Variants in ELAPOR1 observed in about 807,000 individuals in gnomAD.
The protein encoded by ELAPOR1 is endosome/lysosome-associated apoptosis and autophagy regulator 1.
Under a neutral mutation model 119.7 loss-of-function variants are expected in ELAPOR1, and 77 were observed. The observed-to-expected ratio is 0.64, with a 90% CI of 0.54 to 0.78. The LOEUF (loss-of-function observed/expected upper bound fraction) is 0.78, where lower values mean the gene tolerates loss of function less well. ELAPOR1 is among the 30% of genes least tolerant of loss of function. The probability of loss-of-function intolerance (pLI) is 0.00; values close to 1 mark genes in which losing one functional copy is unlikely to be tolerated. For synonymous variants in ELAPOR1, 481 were observed against 487.2 expected (o/e 0.99, Z 0.17); for missense variants, 1,115 against 1,270.4 (o/e 0.88, Z 1.86).
chr1:109,186,403 G>A (rs147669568), intron 8 of ELAPOR1: 1 of 687,738 alleles, frequency 1.5e-6, no homozygotes, highest in East Asian at 1.3e-4. Context: ...TAAGCATGAT[G>A]CTTGGCTCTT....
At chr1:109,121,057 C>T (rs7527850) in intron 1 of ELAPOR1, among the ~76,000 whole-genome samples, 11,432 of 152,260 alleles carry the variant, frequency 0.075, 486 homozygotes, top group Non-Finnish European at 0.085. Flanking sequence ...GCAAAAATAA[C>T]GCTTCGTATC....
intron 1 of ELAPOR1, among the ~76,000 whole-genome samples, chr1:109,155,238 G>A (rs182622377): frequency 7.9e-5 from 12 of 152,220 alleles, no homozygotes; most frequent in Non-Finnish European, 1.6e-4. Context: ...GTGCAGTGGC[G>A]CATCTCTGCT....
chr1:109,121,463 T>A (rs1191752644), intron 1 of ELAPOR1, among the ~76,000 whole-genome samples: 1 of 152,134 alleles, frequency 6.6e-6, no homozygotes, highest in African/African-American at 2.4e-5. Flanking sequence ...AAAGTATCAT[T>A]GTTATAAAAG....
intron 1 of ELAPOR1, among the ~76,000 whole-genome samples, chr1:109,115,092 C>T (rs934724940): frequency 6.6e-6 from 1 of 152,098 alleles, no homozygotes; most frequent in Non-Finnish European, 1.5e-5. Flanking sequence ...AGAATTCAGA[C>T]AATAGGTAGT....
chr1:109,181,421 T>C (rs951745417), intron 7 of ELAPOR1, among the ~76,000 whole-genome samples: 2 of 152,128 alleles, frequency 1.3e-5, no homozygotes, highest in Non-Finnish European at 2.9e-5. Context: ...AGCATCCAAC[T>C]TAAACACTTT....
chr1:109,164,678 G>A lies in ELAPOR1; in HGVS notation c.454G>A (p.Gly152Arg), dbSNP rs755242805. Residue 152 changes from glycine (G) to arginine (R), a missense_variant, in exon 3 of 22, where the codon GGG becomes AGG. Physicochemically the swap from Gly to Arg is moderately radical, Grantham distance 125. Transcript: ENST00000369939. ...GGATGACAGTGCTGCTGAGTCCACC[G>A]GGAACTGTACTTCGTGAGTCTGCAC... ...ELDDSAAESTGNCTSSKWVPR... is the reference protein window; with the variant it reads ...ELDDSAAESTRNCTSSKWVPR... 2.0e-5 allele frequency: 33 copies of A among 1,613,612 alleles called. No homozygotes were observed. The highest frequency in any genetic ancestry group is 4.5e-5 in the East Asian group (2 of 44,882).
At chr1:109,186,747 G>A (rs1416512284) in intron 8 of ELAPOR1, 1 of 985,562 alleles carries the variant, frequency 1.0e-6, no homozygotes, top group African/African-American at 1.7e-5. Context: ...TTCATAACAT[G>A]TGACTGAATG....
chr1:109,196,565 T>A (rs1328952598), intron 15 of ELAPOR1, among the ~76,000 whole-genome samples: 1 of 151,904 alleles, frequency 6.6e-6, no homozygotes, highest in Admixed American at 6.6e-5. Context: ...ACACGATAGA[T>A]CCTTAGTTCA....
At chr1:109,202,446 T>A (rs6668694) in intron 21 of ELAPOR1, among the ~76,000 whole-genome samples, 125,255 of 148,952 alleles carry the variant, frequency 0.84, 53,041 homozygotes, top group East Asian at 0.97. Flanking sequence ...AAGAAAAAAA[T>A]TTTTTTTTTT....
chr1:109,119,011 C>T (rs2100953499), intron 1 of ELAPOR1, among the ~76,000 whole-genome samples: 1 of 150,230 alleles, frequency 6.7e-6, no homozygotes, highest in South Asian at 2.1e-4. Flanking sequence ...AATTCTCCTG[C>T]CTCAGCCTCC....
In ELAPOR1 at chr1:109,201,718, C is replaced by T. The variant is rs149916896; in HGVS notation, c.2973+818C>T. On this transcript the variant is annotated intron_variant, in intron 21 of 21. Coordinates refer to ENST00000369939, the MANE Select transcript of ELAPOR1 (RefSeq NM_020775.5). ...AGACTCCCTTGGCCTCCTTAGACTG[C>T]GATTTCTTTTTTTTTAAATGAATGG... Among the ~76,000 whole-genome samples, 447 of 152,156 alleles carry T rather than the reference C, an allele frequency of 2.9e-3. 2 individuals are homozygous for T. The Middle Eastern group carries it at 0.034, about 12-fold the overall frequency.
intron 7 of ELAPOR1, among the ~76,000 whole-genome samples, chr1:109,178,140 A>G (rs2101075883): frequency 6.6e-6 from 1 of 150,724 alleles, no homozygotes; most frequent in Admixed American, 6.6e-5. Context: ...CTCCCGAGTA[A>G]CTAGGATTAC....
chr1:109,137,656 G>A (rs1158620872), intron 1 of ELAPOR1, among the ~76,000 whole-genome samples: 1 of 151,940 alleles, frequency 6.6e-6, no homozygotes, highest in African/African-American at 2.4e-5. Flanking sequence ...GCCTTCCTAA[G>A]TAGCTGGGAT....
chr1:109,201,035 A>G, intron 21 of ELAPOR1, 135 bp downstream of exon 21: 1 of 849,476 alleles, frequency 1.2e-6, no homozygotes, highest in South Asian at 1.8e-5. Flanking sequence ...CCATTTCCCC[A>G]CTCTGAAAAT....
chr1:109,191,761 G>C lies in ELAPOR1; in HGVS notation c.1581G>C (p.Thr527=), dbSNP rs748499825. Residue 527 remains threonine (T), a synonymous_variant, in exon 13 of 22, where the codon ACG becomes ACC. Transcript: ENST00000369939. ...CTAGGACCAACACTCCTGTGGAGAC[G>C]TGGAAAGGTTCCAAAGGCAAACAGT... is the stretch of plus-strand genomic sequence containing the variant. ...VNSRTNTPVE[T]WKGSKGKQSY... 1.4e-5 allele frequency: 22 copies of C among 1,614,210 alleles called. No individual in the cohort carries two copies. Among genetic ancestry groups the C allele is most frequent in the Non-Finnish European group, 1.1e-5 (13 of 1,180,036 alleles).
At chr1:109,173,097 C>CAA (rs58149393) in intron 5 of ELAPOR1, among the ~76,000 whole-genome samples, 46 of 91,460 alleles carry the variant, frequency 5.0e-4, no homozygotes, top group Non-Finnish European at 7.4e-4. Flanking sequence ...AACTCTGTCT[C>CAA]AAAAAAAAAA....
chr1:109,193,903 A>C (rs923170840), intron 14 of ELAPOR1, among the ~76,000 whole-genome samples: 9 of 152,188 alleles, frequency 5.9e-5, no homozygotes, highest in Non-Finnish European at 7.3e-5. Flanking sequence ...GGTGACCCTA[A>C]AACAGAGCAA....
At chr1:109,183,435 G>A (rs1253415513) in intron 7 of ELAPOR1, among the ~76,000 whole-genome samples, 3 of 151,878 alleles carry the variant, frequency 2.0e-5, no homozygotes, top group Non-Finnish European at 2.9e-5. Flanking sequence ...ATTCATAGAA[G>A]TAGTTCTCAC....
Position 109,185,025 on chromosome 1 carries a change from T to C in ELAPOR1, c.953-20T>C, listed in dbSNP as rs755223208. On this transcript the variant is annotated intron_variant, in intron 7 of 21. Coordinates refer to ENST00000369939, the MANE Select transcript of ELAPOR1 (RefSeq NM_020775.5). ...TTTCTTATGTAACTCCAAATATTTC[T>C]TCTTGCTTTGGCAATTTAGAGAAAG... 3.5e-5 allele frequency: 56 copies of C among 1,599,004 alleles called. No individual in the cohort carries two copies. Among genetic ancestry groups the C allele is most frequent in the Non-Finnish European group, 4.3e-5 (50 of 1,168,510 alleles).
Sources: gnomAD v4.1 joint callset for allele counts (sites outside exome capture counted in the v4.1 genomes callset) on GRCh38, gnomAD v4.1.1 for gene constraint, MANE v1.5 for transcripts, NCBI Gene and HGNC (gene_info 2026-07-23, HGNC 2026-07-21) for gene names.